RECQL4: variants seen among roughly 807,000 people sequenced by gnomAD.
The protein encoded by RECQL4 is ATP-dependent DNA helicase Q4.
Under a neutral mutation model 128.6 loss-of-function variants are expected in RECQL4, and 158 were observed. That is an observed-to-expected ratio of 1.23 (90% CI 1.08 to 1.40). The LOEUF (loss-of-function observed/expected upper bound fraction) is 1.40, where lower values mean the gene tolerates loss of function less well. Among genes scored for constraint, RECQL4 ranks in the 40% most tolerant of loss-of-function variants. RECQL4 has a pLI of 0.00. For synonymous variants in RECQL4, 996 were observed against 678.9 expected, an observed-to-expected ratio of 1.47 and a Z score of -7.26; for missense variants, 2,293 against 1,649.8, an observed-to-expected ratio of 1.39 and a Z score of -6.75.
chr8:144,513,771 G>A lies in RECQL4; in HGVS notation c.2059-59C>T. 3 of 1,455,714 alleles carry A rather than the reference G, an allele frequency of 2.1e-6. No homozygotes were observed. The South Asian group carries it at 3.9e-5, about 19-fold the overall frequency. The allele number at this position is 1,455,714 out of a possible 1,614,324, so 90.2% of individuals were successfully genotyped here. ...GTGAGGAGGGGTCGGCGTGTGCAGT[G>A]GGGAGTGAGGAGGGGTCGGCGTGGG... On this transcript the variant is annotated intron_variant, in intron 12 of 20. Transcript: ENST00000617875.
chr8:144,517,186 G>A lies in RECQL4; in HGVS notation c.218C>T (p.Pro73Leu). 1 of 1,600,668 alleles carries A rather than the reference G, an allele frequency of 6.2e-7. No homozygotes were observed. The highest frequency in any genetic ancestry group is 8.5e-7 in the Non-Finnish European group (1 of 1,175,758). Residue 73 changes from proline (P) to leucine (L), a missense_variant, in exon 4 of 21, where the codon CCA (proline) becomes CTA (leucine). Coordinates refer to ENST00000617875, the MANE Select transcript of RECQL4 (RefSeq NM_004260.4). ...ATGGGGCCCCCAGCAGCGGGGCTCTGGCGCCTGCAGGAGACAACAGGGGCA... is the reference window on the plus strand; with the variant it reads ...ATGGGGCCCCCAGCAGCGGGGCTCTAGCGCCTGCAGGAGACAACAGGGGCA... Reference protein sequence around the residue: ...ESLPAAAEEAPEPRCWGPHLN... With the variant: ...ESLPAAAEEALEPRCWGPHLN...
chr8:144,512,740 C>A lies in RECQL4; in HGVS notation c.2787G>T (p.Leu929=). The stretch of plus-strand genomic sequence containing the variant: ...GCAGCTCCAGCCAGTGGTGTGGGTG[C>A]AGCTCCAGGTAGCACAGCAAAGTCT... ...AIETLLCYLE[L]HPHHWLELLA... Residue 929 remains leucine (L), a synonymous_variant, in exon 16 of 21, where the codon CTG becomes CTT. Transcript: ENST00000617875. 2 of 1,612,154 alleles carry A rather than the reference C, an allele frequency of 1.2e-6. No homozygotes were observed. Among genetic ancestry groups the A allele is most frequent in the Non-Finnish European group, 1.7e-6 (2 of 1,179,798 alleles).
At chr8:144,512,112 A>G in intron 18 of RECQL4, 32 bp downstream of exon 18, 1 of 1,602,446 alleles carries the variant, frequency 6.2e-7, no homozygotes, top group South Asian at 1.1e-5. Context: ...GGGAGGGTGG[A>G]TGGTCCCAGG....
Position 144,514,457 on chromosome 8 carries a change from T to C in RECQL4, c.1689A>G (p.Glu563=), listed in dbSNP as rs1409299000. ...IHSGMTRKQR[E]SVLQKIRAAQ... is the part of the protein sequence containing the mutation. Reference sequence around the variant, plus strand: ...AGGCCCCCACCTTCTGCAGGACAGATTCCCGTTGCTTCCTGGTCATGCCCG... The same window carrying C: ...AGGCCCCCACCTTCTGCAGGACAGACTCCCGTTGCTTCCTGGTCATGCCCG... The change falls in exon 10 of 21, where the codon GAA becomes GAG. Residue 563 remains glutamate (E), a synonymous_variant. Transcript: ENST00000617875. The C allele has an allele frequency of 1.2e-6, 2 of 1,612,216 alleles. No homozygotes were observed. The highest frequency in any genetic ancestry group is 1.7e-5 in the Admixed American group (1 of 59,960).
Position 144,511,518 on chromosome 8 carries a change from G to T in RECQL4, c.3540C>A (p.Asp1180Glu), listed in dbSNP as rs1827188447. Residue 1180 changes from aspartate (D) to glutamate (E), a missense_variant, in exon 21 of 21, where the codon GAC (aspartate) becomes GAA (glutamate). Asp to Glu is a conservative substitution (Grantham distance 45). Transcript: ENST00000617875. ...PCYPAQVYGQ[D>E]RRFWRKYLHL... ...GCAGGTATTTTCTCCAGAAGCGTCG[G>T]TCCTGCCCGTACACCTGGGCCGGGT... 6.2e-7 allele frequency: 1 copy of T among 1,612,452 alleles called. No homozygotes were observed. The highest frequency in any genetic ancestry group is 1.3e-5 in the African/African-American group (1 of 74,928).
intron 12 of RECQL4, 52 bp from the exon 13 acceptor site, chr8:144,513,764 GTGCAGT>G (rs1827710569): frequency 2.7e-6 from 4 of 1,491,858 alleles, no homozygotes; most frequent in African/African-American, 1.4e-5. Flanking sequence ...GGGTCGGCGT[GTGCAGT>G]GGGGAGTGAG....
rs1470516114 is a variant in RECQL4 at position 144,513,117 on chromosome 8, G to A, written c.2485C>T (p.Arg829Cys). 22 of 1,558,426 alleles carry A rather than the reference G, an allele frequency of 1.4e-5. No individual in the cohort carries two copies. The highest frequency in any genetic ancestry group is 9.6e-5 in the African/African-American group (7 of 73,166). ...GTGCTGTCGGCGTGCACATGTCTGC[G>A]CAGCTCTCGCAGGTCTTCGCCCTGC... Reference protein sequence around the residue: ...QPQGEDLRELRRHVHADSTDF... With the variant: ...QPQGEDLRELCRHVHADSTDF... The change falls in exon 15 of 21, where the codon CGC becomes TGC. Residue 829 changes from arginine (R) to cysteine (C), a missense_variant. Physicochemically the swap from Arg to Cys is radical, Grantham distance 180. Transcript: ENST00000617875.
rs747307935 is a variant in RECQL4, at chr8:144,514,307, G to A, written c.1760C>T (p.Ala587Val). 8.1e-6 allele frequency: 13 copies of A among 1,609,380 alleles called. No homozygotes were observed. Among genetic ancestry groups the A allele is most frequent in the East Asian group, 2.2e-5 (1 of 44,848 alleles). ...CTGTGCGGCTGGAGGGAGGCCTCCC[G>A]CCCCCACCAGTGCCTCAGGTGTCAG... ...LMLTPEALVG[A>V]GGLPPAAQLP... Residue 587 changes from alanine (A) to valine (V), a missense_variant, in exon 11 of 21, where the codon GCG becomes GTG. By Grantham distance (64) the Ala-to-Val change is moderately conservative. Transcript: ENST00000617875.
chr8:144,514,609 A>C lies in RECQL4; in HGVS notation c.1621-84T>G, dbSNP rs994874381. Reference sequence around the variant, plus strand: ...TCATCCCAGAGCTGCTGCCATGTCCATCCTAGTCCCTCAGGGGAGAGGAGA... The same window carrying C: ...TCATCCCAGAGCTGCTGCCATGTCCCTCCTAGTCCCTCAGGGGAGAGGAGA... On this transcript the variant is annotated intron_variant, in intron 9 of 20. Transcript: ENST00000617875. 3.6e-6 allele frequency: 5 copies of C among 1,383,510 alleles called. No individual in the cohort carries two copies. In the South Asian group the frequency reaches 3.9e-5, roughly 11 times the overall value. The allele number at this position is 1,383,510 out of a possible 1,614,324, so 85.7% of individuals were successfully genotyped here. A position where few individuals can be genotyped will look rare whatever the true frequency, so the allele number is the denominator to read the frequency against.
At position 144,516,130 on chromosome 8, in the gene RECQL4, G is replaced by C; in HGVS notation, c.989C>G (p.Ala330Gly). 1.2e-6 allele frequency: 2 copies of C among 1,613,134 alleles called. No individual in the cohort carries two copies. Among genetic ancestry groups the C allele is most frequent in the Non-Finnish European group, 1.7e-6 (2 of 1,179,862 alleles). The stretch of plus-strand genomic sequence containing the variant: ...GGGGGCTGTGCCCTCAGCCTTCCCA[G>C]CCCTAGCTTGACTGGAGGGGCTGAG... ...HGLSPSSQARAGKAEGTAPLH... is the reference protein window; with the variant it reads ...HGLSPSSQARGGKAEGTAPLH... Residue 330 changes from alanine to glycine, a missense_variant, in exon 5 of 21, where the codon GCT (alanine) becomes GGT (glycine). Physicochemically the swap from Ala to Gly is moderately conservative, Grantham distance 60. Coordinates refer to ENST00000617875, the MANE Select transcript of RECQL4 (RefSeq NM_004260.4).
rs1827563088 is a variant in RECQL4, at chr8:144,513,100, GGCGTGCACATGTCTGC to G, written c.2486_2501del (p.Arg829ProfsTer9). The G allele has an allele frequency of 1.3e-6, 2 of 1,573,366 alleles. No homozygotes were observed. Among genetic ancestry groups the G allele is most frequent in the Non-Finnish European group, 1.7e-6 (2 of 1,157,504 alleles). ...TCACAGCCAGGAAGTCCGTGCTGTCGGCGTGCACATGTCTGCGCAGCTCTCGCAGGTCTTCGCCCTG... is the reference window on the plus strand; with the variant it reads ...TCACAGCCAGGAAGTCCGTGCTGTCGGCAGCTCTCGCAGGTCTTCGCCCTG... On this transcript the variant is annotated frameshift_variant, in exon 15 of 21. Coordinates refer to ENST00000617875, the MANE Select transcript of RECQL4 (RefSeq NM_004260.4). LOFTEE classifies it high-confidence loss of function.
chr8:144,512,386 GC>G lies in RECQL4; in HGVS notation c.3055+5del. 1 of 1,607,312 alleles carries G rather than the reference GC, an allele frequency of 6.2e-7. No individual in the cohort carries two copies. Among genetic ancestry groups the G allele is most frequent in the Non-Finnish European group, 8.5e-7 (1 of 1,176,124 alleles). ...CCAGGGCGGTGTGGGGTGGGGAGAGGCGCACCTGTCCTGGGCTCGTGGTCCC... is the reference window on the plus strand; with the variant it reads ...CCAGGGCGGTGTGGGGTGGGGAGAGGGCACCTGTCCTGGGCTCGTGGTCCC... On this transcript the variant is annotated splice_donor_5th_base_variant and intron_variant, in intron 17 of 20. Coordinates refer to ENST00000617875, the MANE Select transcript of RECQL4 (RefSeq NM_004260.4).
intron 4 of RECQL4, 104 bp downstream of exon 4, chr8:144,516,946 C>T: frequency 6.7e-7 from 1 of 1,492,974 alleles, no homozygotes; most frequent in Non-Finnish European, 9.0e-7. Flanking sequence ...CCCTGGTTGG[C>T]ACAGGGGCCC....
rs377022089 is a variant in RECQL4, at chr8:144,515,008, C to T, written c.1548G>A (p.Ala516=). 151 of 1,611,026 alleles carry T rather than the reference C, an allele frequency of 9.4e-5. No homozygotes were observed. The highest frequency in any genetic ancestry group is 5.0e-4 in the Middle Eastern group (3 of 5,982). ...AGKSLCYQLP[A]LLYSRRSPCL... ...AGGGGCTGCGCCGGCTGTAGAGCAG[C>T]GCTGGGAGCTGGTAGCACAGGGACT... The change falls in exon 9 of 21, where the codon GCG becomes GCA. Residue 516 remains alanine, a synonymous_variant. Coordinates refer to ENST00000617875, the MANE Select transcript of RECQL4 (RefSeq NM_004260.4).
chr8:144,516,350 T>G lies in RECQL4; in HGVS notation c.769A>C (p.Ser257Arg), dbSNP rs748671989. Residue 257 changes from serine (S) to arginine (R), a missense_variant, in exon 5 of 21, where the codon AGT becomes CGT. Coordinates refer to ENST00000617875, the MANE Select transcript of RECQL4 (RefSeq NM_004260.4). ...TTCCATCTCCGCTTCTCGCCTCCAC[T>G]GCTGCTGGGCTGGGGGCTCCCCACA... The part of the protein sequence containing the change: ...IRVGSPQPSS[S>R]GGEKRRWNEE... 3.7e-6 allele frequency: 6 copies of G among 1,610,016 alleles called. No individual in the cohort carries two copies. In the South Asian group the frequency reaches 5.5e-5, roughly 15 times the overall value.
In RECQL4 at chr8:144,513,138, C is replaced by T. The variant is rs1471995768; in HGVS notation, c.2464G>A (p.Gly822Ser). 6 of 1,559,258 alleles carry T rather than the reference C, an allele frequency of 3.8e-6. No individual in the cohort carries two copies. Among genetic ancestry groups the T allele is most frequent in the Non-Finnish European group, 5.2e-6 (6 of 1,151,898 alleles). The change falls in exon 15 of 21, where the codon GGC (glycine) becomes AGC (serine). Residue 822 changes from glycine to serine, a missense_variant and splice_region_variant. Physicochemically the swap from Gly to Ser is moderately conservative, Grantham distance 56 (BLOSUM62 0). Transcript: ENST00000617875. ...CTGCGCAGCTCTCGCAGGTCTTCGC[C>T]CTGCAGGGCAACTTTCATGAGGGTG... ...AHCHLFLQPQ[G>S]EDLRELRRHV...
Position 144,513,376 on chromosome 8 carries a change from C to T in RECQL4, c.2305G>A (p.Val769Met). 6.2e-7 allele frequency: 1 copy of T among 1,607,382 alleles called. No homozygotes were observed. The highest frequency in any genetic ancestry group is 8.5e-7 in the Non-Finnish European group (1 of 1,179,700). Reference sequence around the variant, plus strand: ...CCCATCCCAAAGGCCACCGTGGCCACCACCACCCGCAACTGGCCCTGCATG... The same window carrying T: ...CCCATCCCAAAGGCCACCGTGGCCATCACCACCCGCAACTGGCCCTGCATG... ...AFMQGQLRVV[V>M]ATVAFGMGLD... Residue 769 changes from valine (V) to methionine (M), a missense_variant, in exon 14 of 21, where the codon GTG becomes ATG. Physicochemically the swap from Val to Met is conservative, Grantham distance 21. Transcript: ENST00000617875.
At position 144,512,756 on chromosome 8, in the gene RECQL4, A is replaced by C. The variant is rs1827488371; in HGVS notation, c.2771T>G (p.Leu924Arg). 1 of 1,612,068 alleles carries C rather than the reference A, an allele frequency of 6.2e-7. No individual in the cohort carries two copies. Among genetic ancestry groups the C allele is most frequent in the Non-Finnish European group, 8.5e-7 (1 of 1,179,790 alleles). Residue 924 changes from leucine (L) to arginine (R), a missense_variant, in exon 16 of 21, where the codon CTG becomes CGG. Coordinates refer to ENST00000617875, the MANE Select transcript of RECQL4 (RefSeq NM_004260.4). Reference protein sequence around the residue: ...DMPEEAIETLLCYLELHPHHW... With the variant: ...DMPEEAIETLRCYLELHPHHW... ...GTGTGGGTGCAGCTCCAGGTAGCAC[A>C]GCAAAGTCTCGATGGCTGGGGGCAG...
At chr8:144,512,116 T>C (rs371995201) in intron 18 of RECQL4, 28 bp downstream of exon 18, 77 of 1,601,570 alleles carry the variant, frequency 4.8e-5, no homozygotes, top group Non-Finnish European at 6.4e-5. Context: ...GGGTGGATGG[T>C]CCCAGGCCCC....
Sources: gnomAD v4.1 joint callset for allele counts on GRCh38, gnomAD v4.1.1 for gene constraint, MANE v1.5 for transcripts, NCBI Gene and HGNC (gene_info 2026-07-23, HGNC 2026-07-21) for gene names.